The following PDIA3 variants were observed in gnomAD, a reference collection of about 807,000 sequenced individuals.
PDIA3 encodes the protein protein disulfide-isomerase A3.
Under a neutral mutation model 56.9 loss-of-function variants are expected in PDIA3, and 16 were observed. The ratio of observed to expected loss-of-function variants is 0.28; its 90% CI spans 0.19 to 0.43. The LOEUF (loss-of-function observed/expected upper bound fraction) is 0.43, where lower values mean the gene tolerates loss of function less well. Ranked by LOEUF, PDIA3 falls within the 20% of genes least tolerant of loss-of-function variation. The pLI is 1.00. For synonymous variants in PDIA3, 192 were observed against 216.5 expected, an observed-to-expected ratio of 0.89 and a Z score of 0.99; for missense variants, 485 against 621.3, an observed-to-expected ratio of 0.78 and a Z score of 2.33.
chr15:43,770,492 G>A, intron 11 of PDIA3, 31 bp from the exon 12 acceptor site: 7 of 1,569,988 alleles, frequency 4.5e-6, no homozygotes, highest in Middle Eastern at 1.7e-4. Flanking sequence ...CCACATAACT[G>A]CTTGAAATTA....
chr15:43,755,499 A>T (rs1199310587), intron 2 of PDIA3, among the ~76,000 whole-genome samples: 1 of 152,224 alleles, frequency 6.6e-6, no homozygotes, highest in Non-Finnish European at 1.5e-5. Flanking sequence ...GAATGTTGCC[A>T]TTCTGTAGTA....
intron 2 of PDIA3, among the ~76,000 whole-genome samples, chr15:43,755,278 A>T (rs2086771496): frequency 6.6e-6 from 1 of 152,120 alleles, no homozygotes; most frequent in Non-Finnish European, 1.5e-5. Context: ...CAGTGAGCTG[A>T]GATCATGGCA....
chr15:43,766,601 T>A (rs1359005807), intron 7 of PDIA3, 127 bp from the exon 8 acceptor site: 1 of 724,116 alleles, frequency 1.4e-6, no homozygotes, highest in Non-Finnish European at 2.3e-6. Flanking sequence ...CTCAGACTGT[T>A]CAGACTGATT....
intron 3 of PDIA3, among the ~76,000 whole-genome samples, chr15:43,757,953 C>A (rs1410467329): frequency 4.1e-5 from 6 of 147,386 alleles, no homozygotes; most frequent in African/African-American, 1.0e-4. Context: ...AAAAAAAAAA[C>A]AACGAAATAG....
chr15:43,764,756 C>T (rs565565365), intron 5 of PDIA3, among the ~76,000 whole-genome samples: 1 of 152,264 alleles, frequency 6.6e-6, no homozygotes, highest in Admixed American at 6.5e-5. Context: ...GTGTGAGCCA[C>T]CACACCCAGC....
At chr15:43,755,086 C>G (rs2086769803) in intron 2 of PDIA3, among the ~76,000 whole-genome samples, 1 of 151,846 alleles carries the variant, frequency 6.6e-6, no homozygotes, top group Admixed American at 6.6e-5. Flanking sequence ...AGCACTTTGA[C>G]AGGCTGAGGA....
At chr15:43,751,677 T>C in intron 1 of PDIA3, 1 of 1,304,038 alleles carries the variant, frequency 7.7e-7, no homozygotes, top group Non-Finnish European at 1.0e-6. Flanking sequence ...TTGCCAAAGT[T>C]TAAGGCAGTG....
chr15:43,764,591 C>T (rs906384142), intron 5 of PDIA3, among the ~76,000 whole-genome samples: 1 of 152,088 alleles, frequency 6.6e-6, no homozygotes, highest in African/African-American at 2.4e-5. Context: ...CCTCAGCCTC[C>T]TGAGTAGCTA....
chr15:43,765,010 G>C (rs982145252), intron 5 of PDIA3, among the ~76,000 whole-genome samples: 3 of 152,152 alleles, frequency 2.0e-5, no homozygotes, highest in African/African-American at 4.8e-5. Flanking sequence ...TCTTGTTGCT[G>C]AATCTGTGGT....
chr15:43,767,954 A>C (rs1225186712), intron 8 of PDIA3, among the ~76,000 whole-genome samples: 2 of 152,036 alleles, frequency 1.3e-5, no homozygotes, highest in African/African-American at 4.8e-5. Flanking sequence ...GTCTCCAAAA[A>C]ATTTAAAAAT....
rs2086886358 is a variant in PDIA3 at position 43,772,313 on chromosome 15, ACTC to A, written c.*1098_*1100del. ...AGCCCTACTTTAGGTGATCCTAGGA[ACTC>A]CTATGTTCAGAAAAGAATTTTCTTC... On this transcript the variant is annotated 3_prime_UTR_variant, in exon 13 of 13. Coordinates refer to ENST00000300289, the MANE Select transcript of PDIA3 (RefSeq NM_005313.5). 1 of 152,240 alleles carries A rather than the reference ACTC, an allele frequency of 6.6e-6. No homozygotes were observed. 9.4% of individuals were successfully genotyped at this position (152,240 alleles called of 1,614,324 possible).
In PDIA3 at chr15:43,768,706, T is replaced by G; in HGVS notation, c.1137+109T>G. On this transcript the variant is annotated intron_variant, in intron 9 of 12. Coordinates refer to ENST00000300289, the MANE Select transcript of PDIA3 (RefSeq NM_005313.5). ...ACTTCGTTGGCCATCTCTTTTTTTT[T>G]TTGTCCTTACTCCCGAGTCATAAAA... 3 of 733,622 alleles carry G rather than the reference T, an allele frequency of 4.1e-6. No homozygotes were observed. The South Asian group carries it at 5.0e-5, about 12-fold the overall frequency. 45.4% of individuals were successfully genotyped at this position (733,622 alleles called of 1,614,324 possible).
At chr15:43,768,032 T>G (rs2141656851) in intron 8 of PDIA3, among the ~76,000 whole-genome samples, 1 of 152,126 alleles carries the variant, frequency 6.6e-6, no homozygotes, top group East Asian at 1.9e-4. Flanking sequence ...CCCCCCCTCA[T>G]CCCTACAGAA....
intron 1 of PDIA3, among the ~76,000 whole-genome samples, chr15:43,750,188 TTTTTTTA>T (rs1423645109): frequency 7.2e-6 from 1 of 138,668 alleles, no homozygotes; most frequent in Non-Finnish European, 1.5e-5. Flanking sequence ...TTTTTTTTTT[TTTTTTTA>T]AGTAGAGACC....
chr15:43,770,324 C>A lies in PDIA3; in HGVS notation c.1341C>A (p.Val447=). 6.2e-7 allele frequency: 1 copy of A among 1,613,346 alleles called. No individual in the cohort carries two copies. The highest frequency in any genetic ancestry group is 1.1e-5 in the South Asian group (1 of 91,034). ...TANDVPSPYE[V]RGFPTIYFSP... is the part of the protein sequence containing the mutation. Reference sequence around the variant, plus strand: ...ATGATGTGCCTTCTCCATATGAAGTCAGAGGGTAAGTGGCTTAAAACTTAA... The same window carrying A: ...ATGATGTGCCTTCTCCATATGAAGTAAGAGGGTAAGTGGCTTAAAACTTAA... The change falls in exon 11 of 13, where the codon GTC becomes GTA. Residue 447 remains valine, a synonymous_variant. Transcript: ENST00000300289.
At chr15:43,766,076 A>G (rs575042453) in intron 7 of PDIA3, 64 bp downstream of exon 7, 4 of 1,426,042 alleles carry the variant, frequency 2.8e-6, no homozygotes, top group East Asian at 4.7e-5. Flanking sequence ...GTCCCTTCTA[A>G]CTATCTTGTT....
At chr15:43,764,421 T>C (rs902535293) in intron 5 of PDIA3, among the ~76,000 whole-genome samples, 9 of 152,128 alleles carry the variant, frequency 5.9e-5, no homozygotes, top group African/African-American at 2.2e-4. Context: ...ATGTAAACAA[T>C]AGTCACTAAC....
intron 1 of PDIA3, among the ~76,000 whole-genome samples, chr15:43,747,535 T>G (rs1002730164): frequency 6.6e-6 from 1 of 151,860 alleles, no homozygotes; most frequent in African/African-American, 2.4e-5. Context: ...ATAAGATTTC[T>G]GGCCCAGTCA....
Position 43,769,704 on chromosome 15 carries a change from T to C in PDIA3, c.1266+58T>C. 1.9e-6 allele frequency: 3 copies of C among 1,577,830 alleles called. No individual in the cohort carries two copies. The South Asian group carries it at 3.4e-5, about 18-fold the overall frequency. On this transcript the variant is annotated intron_variant, in intron 10 of 12. Coordinates refer to ENST00000300289, the MANE Select transcript of PDIA3 (RefSeq NM_005313.5). ...TGAGCGGGAGCAGTAAGTTTATGTA[T>C]GTATTCAGCATTGGCTAATTTGGTT...
Sources: allele counts gnomAD v4.1 joint callset (sites outside exome capture counted in the v4.1 genomes callset), GRCh38; gene constraint gnomAD v4.1.1; transcripts MANE v1.5; gene names NCBI Gene and HGNC (gene_info 2026-07-23, HGNC 2026-07-21).